ATP9B: variants seen among roughly 807,000 people sequenced by gnomAD.
ATP9B encodes the protein probable phospholipid-transporting ATPase IIB.
In ATP9B, 110 loss-of-function variants were observed where a neutral mutation model predicts 146.1. The ratio of observed to expected loss-of-function variants is 0.75; its 90% CI spans 0.65 to 0.88. The LOEUF is 0.88. Ranked by LOEUF, ATP9B falls within the 40% of genes least tolerant of loss-of-function variation. ATP9B has a pLI of 0.00. For missense variants in ATP9B, 1,499 were observed against 1,496.4 expected (o/e 1.00, Z -0.03); for synonymous variants, 604 against 569.7 (o/e 1.06, Z -0.86).
chr18:79,153,048 G>A (rs1291830872), intron 6 of ATP9B, among the ~76,000 whole-genome samples: 5 of 152,052 alleles, frequency 3.3e-5, no homozygotes, highest in African/African-American at 1.2e-4. Flanking sequence ...TTGGTTTCAT[G>A]CTAATATTAG....
At chr18:79,143,707 G>C (rs2094542117) in intron 5 of ATP9B, 95 bp from the exon 6 acceptor site, 1 of 765,928 alleles carries the variant, frequency 1.3e-6, no homozygotes, top group Non-Finnish European at 2.0e-6. Context: ...TTTTTTTTCT[G>C]TAGCTTATTT....
intron 17 of ATP9B, among the ~76,000 whole-genome samples, chr18:79,331,449 C>A (rs2096789618): frequency 1.3e-5 from 2 of 152,150 alleles, no homozygotes; most frequent in Non-Finnish European, 2.9e-5. Context: ...TTGCAACAGA[C>A]AGATGATGTC....
intron 8 of ATP9B, among the ~76,000 whole-genome samples, chr18:79,184,635 A>G (rs1280028554): frequency 6.6e-6 from 1 of 152,146 alleles, no homozygotes; most frequent in Non-Finnish European, 1.5e-5. Context: ...TTTCTAATGT[A>G]ATTGGAACTG....
At chr18:79,194,779 G>C (rs186826903) in intron 9 of ATP9B, among the ~76,000 whole-genome samples, 11 of 152,160 alleles carry the variant, frequency 7.2e-5, no homozygotes, top group African/African-American at 2.6e-4. Flanking sequence ...TCAATTTACT[G>C]TAAGTGGGGA....
intron 12 of ATP9B, among the ~76,000 whole-genome samples, chr18:79,274,929 C>A (rs537019781): frequency 4.6e-5 from 7 of 152,354 alleles, no homozygotes; most frequent in African/African-American, 1.7e-4. Flanking sequence ...GAGCCATAGG[C>A]CCCTCGTGAT....
chr18:79,138,207 G>C (rs138872138), intron 5 of ATP9B, among the ~76,000 whole-genome samples: 36 of 152,138 alleles, frequency 2.4e-4, no homozygotes, highest in African/African-American at 7.5e-4. Flanking sequence ...TTTAGAATTA[G>C]CTAGAAGATA....
intron 2 of ATP9B, among the ~76,000 whole-genome samples, chr18:79,097,100 G>A (rs1237101746): frequency 4.0e-5 from 6 of 151,392 alleles, no homozygotes; most frequent in Non-Finnish European, 8.8e-5. Context: ...GGAGGTTACA[G>A]TGAGCCGAGA....
chr18:79,223,225 T>G (rs2095697746), intron 11 of ATP9B, among the ~76,000 whole-genome samples: 1 of 152,212 alleles, frequency 6.6e-6, no homozygotes, highest in African/African-American at 2.4e-5. Flanking sequence ...ACTTTGCAAC[T>G]TGAAATATCA....
chr18:79,143,715 T>C (rs908308497), intron 5 of ATP9B, 87 bp from the exon 6 acceptor site: 5 of 848,938 alleles, frequency 5.9e-6, no homozygotes, highest in African/African-American at 3.5e-5. Context: ...CTGTAGCTTA[T>C]TTCTAAAGTA....
intron 12 of ATP9B, among the ~76,000 whole-genome samples, chr18:79,264,297 T>C (rs1248969468): frequency 6.6e-6 from 1 of 152,216 alleles, no homozygotes; most frequent in Non-Finnish European, 1.5e-5. Flanking sequence ...CCCAGATTGA[T>C]AATGAGACTA....
At chr18:79,348,002 G>A (rs2096900165) in intron 24 of ATP9B, 77 bp downstream of exon 24, 10 of 1,604,706 alleles carry the variant, frequency 6.2e-6, no homozygotes, top group South Asian at 2.2e-5. Flanking sequence ...CAGGGTCCGG[G>A]AGTGGGGGTG....
rs201794360 is a variant in ATP9B at position 79,347,847 on chromosome 18, C to T, written c.2760C>T (p.His920=). ...ACATAGGCAGGCTGCTCATGGTGCA[C>T]GGGCGGAACAGCTACAAGAGGTCGG... is the stretch of plus-strand genomic sequence containing the variant. ...FRHIGRLLMV[H]GRNSYKRSAA... Residue 920 remains histidine (H), a synonymous_variant, in exon 24 of 30, where the codon CAC becomes CAT. Transcript: ENST00000426216. 50 of 1,613,630 alleles carry T rather than the reference C, an allele frequency of 3.1e-5. No individual in the cohort carries two copies. The East Asian group carries it at 8.7e-4, about 28-fold the overall frequency.
intron 5 of ATP9B, among the ~76,000 whole-genome samples, chr18:79,131,265 T>C (rs1298946479): frequency 6.6e-6 from 1 of 152,042 alleles, no homozygotes; most frequent in Non-Finnish European, 1.5e-5. Flanking sequence ...TGAGAGAAAA[T>C]TGTATATCTG....
intron 11 of ATP9B, among the ~76,000 whole-genome samples, chr18:79,234,060 G>A (rs2095816616): frequency 6.6e-6 from 1 of 152,106 alleles, no homozygotes; most frequent in Non-Finnish European, 1.5e-5. Flanking sequence ...AACCCTTGTT[G>A]TTCAAGGGTC....
chr18:79,314,362 T>C (rs1321329780), intron 15 of ATP9B, among the ~76,000 whole-genome samples: 1 of 152,228 alleles, frequency 6.6e-6, no homozygotes, highest in Non-Finnish European at 1.5e-5. Flanking sequence ...CAGTCTTTGA[T>C]TTTCATTTTT....
intron 9 of ATP9B, among the ~76,000 whole-genome samples, chr18:79,202,620 A>G (rs2095498926): frequency 6.6e-6 from 1 of 152,008 alleles, no homozygotes; most frequent in African/African-American, 2.4e-5. Flanking sequence ...GAAATAGAAC[A>G]TTTTAGAGAT....
chr18:79,264,133 G>C (rs1177691761), intron 12 of ATP9B, among the ~76,000 whole-genome samples: 1 of 152,128 alleles, frequency 6.6e-6, no homozygotes, highest in African/African-American at 2.4e-5. Flanking sequence ...GCACTACTTG[G>C]CTGTGTTATT....
intron 24 of ATP9B, 56 bp from the exon 25 acceptor site, chr18:79,348,076 G>A (rs952545502): frequency 1.7e-4 from 274 of 1,606,196 alleles, no homozygotes; most frequent in Non-Finnish European, 2.3e-4. Flanking sequence ...AGAGGCTTGG[G>A]GCCACAGGTG....
intron 11 of ATP9B, among the ~76,000 whole-genome samples, chr18:79,221,224 C>T (rs2095673432): frequency 6.6e-6 from 1 of 152,138 alleles, no homozygotes; most frequent in South Asian, 2.1e-4. Flanking sequence ...GATGGGCCCT[C>T]ACCACCTCCA....
Sources: gnomAD v4.1 joint callset for allele counts (sites outside exome capture counted in the v4.1 genomes callset) on GRCh38, gnomAD v4.1.1 for gene constraint, MANE v1.5 for transcripts, NCBI Gene and HGNC (gene_info 2026-07-23, HGNC 2026-07-21) for gene names.